Variants in TRIM24 observed in about 807,000 individuals in gnomAD.
TRIM24 encodes tripartite motif containing 24.
Under a neutral mutation model 123.9 loss-of-function variants are expected in TRIM24, and 29 were observed. The observed-to-expected ratio is 0.23, with a 90% confidence interval of 0.17 to 0.32. The LOEUF (loss-of-function observed/expected upper bound fraction) is 0.32. TRIM24 is among the 10% of genes least tolerant of loss of function. The pLI is 1.00. For missense variants in TRIM24, 932 were observed against 1,295.3 expected (o/e 0.72, Z 4.31); for synonymous variants, 456 against 461.1 (o/e 0.99, Z 0.14).
At chr7:138,491,486 A>G (rs1478444223) in intron 1 of TRIM24, 1 of 153,532 alleles carries the variant, frequency 6.5e-6, no homozygotes, top group African/African-American at 2.4e-5. Context: ...AGTATTTTCA[A>G]GTTTTATCCA....
In TRIM24 at chr7:138,588,388, A is replaced by C. The variant is rs934902885; in HGVS notation, c.*3437A>C. The C allele has an allele frequency of 6.6e-6, 1 of 152,252 alleles. No individual in the cohort carries two copies. Among genetic ancestry groups the C allele is most frequent in the Non-Finnish European group, 1.5e-5 (1 of 68,050 alleles). 9.4% of individuals were successfully genotyped at this position (152,252 alleles called of 1,614,324 possible). Reference sequence around the variant, plus strand: ...TGTTGTGAATGAGAGAAATTGAGTGATCTGATTGGCCATTAAAATTATGGT... The same window carrying C: ...TGTTGTGAATGAGAGAAATTGAGTGCTCTGATTGGCCATTAAAATTATGGT... On this transcript the variant is annotated 3_prime_UTR_variant, in exon 19 of 19. Transcript: ENST00000343526.
chr7:138,582,779 T>G (rs1270165383), intron 17 of TRIM24, among the ~76,000 whole-genome samples: 1 of 152,168 alleles, frequency 6.6e-6, no homozygotes, highest in African/African-American at 2.4e-5. Context: ...TAATACAAAG[T>G]TGAGAAGAAA....
At chr7:138,482,619 A>G (rs1686064551) in intron 1 of TRIM24, among the ~76,000 whole-genome samples, 1 of 152,226 alleles carries the variant, frequency 6.6e-6, no homozygotes, top group Non-Finnish European at 1.5e-5. Flanking sequence ...AAGTATAATT[A>G]TTCCCATTGA....
chr7:138,493,328 T>C (rs1017536344), intron 1 of TRIM24, among the ~76,000 whole-genome samples: 1 of 152,228 alleles, frequency 6.6e-6, no homozygotes, highest in Non-Finnish European at 1.5e-5. Flanking sequence ...AACCAAACAA[T>C]TTAAGTATTA....
At position 138,554,712 on chromosome 7, in the gene TRIM24, G is replaced by C. The variant is rs779815597; in HGVS notation, c.1276G>C (p.Glu426Gln). 1 of 1,613,616 alleles carries C rather than the reference G, an allele frequency of 6.2e-7. No individual in the cohort carries two copies. The highest frequency in any genetic ancestry group is 1.3e-5 in the African/African-American group (1 of 74,880). ...TTTTTAATTAGGTTCTTTAGTAATC[G>C]AGGATAAAGAGAGCCAGCCACAAAT... ...NIINLGSLVIEDKESQPQMPK... is the reference protein window; with the variant it reads ...NIINLGSLVIQDKESQPQMPK... The change falls in exon 9 of 19, where the codon GAG becomes CAG. Residue 426 changes from glutamate to glutamine, a missense_variant. Glu to Gln is a conservative substitution (Grantham distance 29, BLOSUM62 2). This residue lies in a region of TRIM24 where 527 missense variants were observed against 691.3 expected (regional missense o/e 0.76). Coordinates refer to ENST00000343526, the MANE Select transcript of TRIM24 (RefSeq NM_015905.3). This position sits in a 1 kb window ranked among gnomAD's most constrained non-coding sequence, Gnocchi z 4.5.
chr7:138,460,451 CG>C lies in TRIM24; in HGVS notation c.-96del. The C allele has an allele frequency of 8.4e-7, 1 of 1,189,132 alleles. No homozygotes were observed. The highest frequency in any genetic ancestry group is 3.8e-5 in the South Asian group (1 of 26,124). 73.7% of individuals were successfully genotyped at this position (1,189,132 alleles called of 1,614,324 possible). On this transcript the variant is annotated 5_prime_UTR_variant, in exon 1 of 19. Coordinates refer to ENST00000343526, the MANE Select transcript of TRIM24 (RefSeq NM_015905.3). Reference sequence around the variant, plus strand: ...CTGGCGCTGCCGCGAGTCCACCGAGCGGCCTCTGAGGAGCAGCCGCAGGAGG... The same window carrying C: ...CTGGCGCTGCCGCGAGTCCACCGAGCGCCTCTGAGGAGCAGCCGCAGGAGG...
rs1031502978 is a variant in TRIM24 at position 138,515,153 on chromosome 7, C to T, written c.484-59C>T. The stretch of plus-strand genomic sequence containing the variant: ...ATTGGTGTATCATGTACGCATAGCT[C>T]GAGATAGGACCACCTTTTCATTTTC... On this transcript the variant is annotated intron_variant, in intron 2 of 18. Transcript: ENST00000343526. The T allele has an allele frequency of 1.6e-5, 25 of 1,558,654 alleles. No individual in the cohort carries two copies. The Middle Eastern group carries it at 5.1e-4, about 32-fold the overall frequency.
intron 16 of TRIM24, 129 bp from the exon 17 acceptor site, chr7:138,581,568 T>A (rs977253102): frequency 7.0e-6 from 5 of 714,650 alleles, no homozygotes; most frequent in South Asian, 6.6e-5. Flanking sequence ...AATCAGTAAT[T>A]TTTTTGTATT....
chr7:138,578,563 T>TGTGTGCGCGCGCGC (rs145011901), intron 14 of TRIM24, among the ~76,000 whole-genome samples: 1 of 144,990 alleles, frequency 6.9e-6, no homozygotes, highest in African/African-American at 2.6e-5. Context: ...TGTGTGTGTG[T>TGTGTGCGCGCGCGC]GCGCGCACGC....
chr7:138,487,093 T>C lies in TRIM24; in HGVS notation c.365-17197T>C, dbSNP rs1430114979. ...GGATTCCTAGGTATTTTATTCTCTT[T>C]GAAGCAATTGTGAATGGGAGTTCAC... On this transcript the variant is annotated intron_variant, in intron 1 of 18. Coordinates refer to ENST00000343526, the MANE Select transcript of TRIM24 (RefSeq NM_015905.3). Among the ~76,000 whole-genome samples, 14 of 152,202 alleles carry C rather than the reference T, an allele frequency of 9.2e-5. No individual in the cohort carries two copies. In the South Asian group the frequency reaches 2.1e-3, roughly 22 times the overall value.
chr7:138,488,313 A>AT (rs1490302905), intron 1 of TRIM24, among the ~76,000 whole-genome samples: 2 of 150,408 alleles, frequency 1.3e-5, no homozygotes, highest in African/African-American at 2.4e-5. Context: ...GAATTCATGA[A>AT]TTTTTTGAAG....
chr7:138,557,091 G>A (rs966474131), intron 9 of TRIM24, among the ~76,000 whole-genome samples: 6 of 152,208 alleles, frequency 3.9e-5, no homozygotes, highest in African/African-American at 1.4e-4. Context: ...TAAGGGGCAT[G>A]AGGAGATAGT....
intron 11 of TRIM24, among the ~76,000 whole-genome samples, chr7:138,572,217 C>T (rs1797671836): frequency 6.6e-6 from 1 of 152,074 alleles, no homozygotes; most frequent in Non-Finnish European, 1.5e-5. Flanking sequence ...TATATTTTCT[C>T]ATGCATGGAT....
intron 9 of TRIM24, among the ~76,000 whole-genome samples, chr7:138,566,155 A>T (rs1195851657): frequency 3.9e-5 from 6 of 152,076 alleles, no homozygotes; most frequent in Non-Finnish European, 7.4e-5. Context: ...CTTCAGCCTC[A>T]TTTGTGATTC....
rs1481599213 is a variant in TRIM24 at position 138,554,008 on chromosome 7, C to T, written c.1262-690C>T. The stretch of plus-strand genomic sequence containing the variant: ...GTTTATATAGCACTTAGCACCCTCC[C>T]GCTAGCAACCTCCATGTGGCAACCT... On this transcript the variant is annotated intron_variant, in intron 8 of 18. Coordinates refer to ENST00000343526, the MANE Select transcript of TRIM24 (RefSeq NM_015905.3). This position sits in a 1 kb window ranked among gnomAD's most constrained non-coding sequence, Gnocchi z 4.5. 5.3e-5 allele frequency among the ~76,000 whole-genome samples: 8 copies of T among 152,190 alleles called. No individual in the cohort carries two copies. The highest frequency in any genetic ancestry group is 1.2e-4 in the African/African-American group (5 of 41,430).
At position 138,504,287 on chromosome 7, in the gene TRIM24, C is replaced by T. The variant is rs55864906; in HGVS notation, c.365-3C>T. ...ACTTAGAATATAATTTTGTTTTTCCCAGTTGGAGTCATTCGTTGCCCAGTT... is the reference window on the plus strand; with the variant it reads ...ACTTAGAATATAATTTTGTTTTTCCTAGTTGGAGTCATTCGTTGCCCAGTT... On this transcript the variant is annotated splice_polypyrimidine_tract_variant and splice_region_variant and intron_variant, in intron 1 of 18. Coordinates refer to ENST00000343526, the MANE Select transcript of TRIM24 (RefSeq NM_015905.3). 7.6e-6 allele frequency: 12 copies of T among 1,579,038 alleles called. No homozygotes were observed. Among genetic ancestry groups the T allele is most frequent in the Non-Finnish European group, 1.0e-5 (12 of 1,167,300 alleles).
At chr7:138,508,026 T>C (rs548842290) in intron 2 of TRIM24, among the ~76,000 whole-genome samples, 2 of 152,336 alleles carry the variant, frequency 1.3e-5, no homozygotes, top group South Asian at 4.1e-4. Flanking sequence ...TTATAGGTTT[T>C]TTTAAACAAT....
At chr7:138,531,600 C>G (rs1796747573) in intron 6 of TRIM24, among the ~76,000 whole-genome samples, 1 of 152,130 alleles carries the variant, frequency 6.6e-6, no homozygotes, top group Admixed American at 6.5e-5. Flanking sequence ...GCCACATTTT[C>G]TTAATCCAGT....
intron 1 of TRIM24, among the ~76,000 whole-genome samples, chr7:138,495,439 A>G (rs1381848149): frequency 6.6e-6 from 1 of 151,914 alleles, no homozygotes; most frequent in Non-Finnish European, 1.5e-5. Flanking sequence ...TGGTTAGGCA[A>G]TTTTTGCACT....
Sources: allele counts gnomAD v4.1 joint callset (sites outside exome capture counted in the v4.1 genomes callset), GRCh38; gene constraint gnomAD v4.1.1; regional missense constraint gnomAD v4.1.1; non-coding constraint Gnocchi (gnomAD v3.1); transcripts MANE v1.5; gene names NCBI Gene and HGNC (gene_info 2026-07-23, HGNC 2026-07-21).